Variants in GIGYF1 observed in about 807,000 individuals in gnomAD.
The protein encoded by GIGYF1 is GRB10-interacting GYF protein 1.
Under a neutral mutation model 147.1 loss-of-function variants are expected in GIGYF1, and 84 were observed. The observed-to-expected ratio is 0.57, with a 90% CI of 0.48 to 0.68. The LOEUF (loss-of-function observed/expected upper bound fraction) is 0.68, where lower values mean the gene tolerates loss of function less well. Among genes scored for constraint, GIGYF1 ranks in the 30% least tolerant of loss-of-function variants. The pLI, the probability that GIGYF1 is intolerant of heterozygous loss-of-function variation, is 0.00. For synonymous variants in GIGYF1, 752 were observed against 589.5 expected, an observed-to-expected ratio of 1.28 and a Z score of -3.99; for missense variants, 1,485 against 1,393.7, an observed-to-expected ratio of 1.07 and a Z score of -1.04.
intron 1 of GIGYF1, among the ~76,000 whole-genome samples, chr7:100,693,107 C>T (rs1434624245): frequency 6.6e-6 from 1 of 151,750 alleles, no homozygotes; most frequent in Non-Finnish European, 1.5e-5. Flanking sequence ...CTTTGAGAGG[C>T]AGGAGGGAAG....
Position 100,682,437 on chromosome 7 carries a change from C to A in GIGYF1, c.2646G>T (p.Thr882=), listed in dbSNP as rs142831413. The A allele has an allele frequency of 6.2e-7, 1 of 1,613,406 alleles. No individual in the cohort carries two copies. Among genetic ancestry groups the A allele is most frequent in the Non-Finnish European group, 8.5e-7 (1 of 1,180,010 alleles). Residue 882 remains threonine (T), a synonymous_variant, in exon 24 of 27, where the codon ACG becomes ACT. Coordinates refer to ENST00000678049, the MANE Select transcript of GIGYF1 (RefSeq NM_001375765.1). ...GCTTCAGCAGCTTCTCTTCTTCCTC[C>A]GTCTTTTTGCGAATGGGCCGACCCG... ...HLSGRPIRKK[T]EEEEKLLKLL...
rs533744747 is a variant in GIGYF1, at chr7:100,692,593, C to G, written c.-1099+1517G>C. 1.8e-3 allele frequency among the ~76,000 whole-genome samples: 278 copies of G among 152,324 alleles called. 1 individual carries two copies. The highest frequency in any genetic ancestry group is 2.8e-3 in the Non-Finnish European group (190 of 68,026). ...TAAAGTGGGCTATTTTTCTTTAATT[C>G]CCAAATTCCAATAGCAGATGTAAAA... On this transcript the variant is annotated intron_variant, in intron 1 of 26. Transcript: ENST00000678049.
rs202122736 is a variant in GIGYF1 at position 100,681,832 on chromosome 7, G to A, written c.3055+32C>T. 6.9e-5 allele frequency: 111 copies of A among 1,609,086 alleles called. No individual in the cohort carries two copies. The East Asian group carries it at 2.2e-3, about 32-fold the overall frequency. On this transcript the variant is annotated intron_variant, in intron 26 of 26. Transcript: ENST00000678049. ...CTGGGCTCCTCCTGCCCTGTGCCAAGGAAGTCCCGCTCCTGCCCCAGCCCA... is the reference window on the plus strand; with the variant it reads ...CTGGGCTCCTCCTGCCCTGTGCCAAAGAAGTCCCGCTCCTGCCCCAGCCCA...
At chr7:100,687,176 C>T in intron 8 of GIGYF1, 122 bp downstream of exon 8, 2 of 1,467,830 alleles carry the variant, frequency 1.4e-6, no homozygotes, top group Non-Finnish European at 1.9e-6. Flanking sequence ...AACCAGGGGT[C>T]AGGAGCACCG....
chr7:100,687,783 C>T lies in GIGYF1; in HGVS notation c.261+5G>A. ...CCGCAGCCTCAGCTCCTGGCCCGGTCCCACCTGTTCCTCCTCAGTCAGCGG... is the reference window on the plus strand; with the variant it reads ...CCGCAGCCTCAGCTCCTGGCCCGGTTCCACCTGTTCCTCCTCAGTCAGCGG... On this transcript the variant is annotated splice_donor_5th_base_variant and intron_variant, in intron 6 of 26. Transcript: ENST00000678049. 6.2e-7 allele frequency: 1 copy of T among 1,611,642 alleles called. No individual in the cohort carries two copies. The highest frequency in any genetic ancestry group is 1.1e-5 in the South Asian group (1 of 91,012).
intron 24 of GIGYF1, 23 bp downstream of exon 24, chr7:100,682,299 C>T (rs1485817368): frequency 8.1e-6 from 13 of 1,609,370 alleles, no homozygotes; most frequent in East Asian, 6.7e-5. Context: ...GTCCCGCCCA[C>T]CTCCTGGGAG....
intron 3 of GIGYF1, 25 bp downstream of exon 3, chr7:100,688,426 T>A (rs1562884800): frequency 1.4e-6 from 1 of 698,416 alleles, no homozygotes; most frequent in African/African-American, 1.8e-5. Flanking sequence ...AGCTGGTGGG[T>A]CACCTGGGGT....
chr7:100,690,920 G>A (rs1210949173), intron 1 of GIGYF1, among the ~76,000 whole-genome samples: 1 of 152,092 alleles, frequency 6.6e-6, no homozygotes, highest in African/African-American at 2.4e-5. Flanking sequence ...GCACACAAAG[G>A]GGGAATGGTT....
At chr7:100,687,917 T>G (rs369681356) in intron 5 of GIGYF1, 34 bp from the exon 6 acceptor site, 150 of 1,612,942 alleles carry the variant, frequency 9.3e-5, no homozygotes, top group Non-Finnish European at 1.2e-4. Flanking sequence ...AGACACCACA[T>G]GCTGCCAGAT....
chr7:100,682,657 G>A lies in GIGYF1; in HGVS notation c.2533C>T (p.Pro845Ser), dbSNP rs1456532216. The A allele has an allele frequency of 1.2e-6, 2 of 1,604,908 alleles. No individual in the cohort carries two copies. Among genetic ancestry groups the A allele is most frequent in the Admixed American group, 1.7e-5 (1 of 59,216 alleles). Reference sequence around the variant, plus strand: ...CGGACCAGGCTCCCGCCGCTCTTGGGGGTGTCCTCCCAGAGCCCCAGGCCG... The same window carrying A: ...CGGACCAGGCTCCCGCCGCTCTTGGAGGTGTCCTCCCAGAGCCCCAGGCCG... The part of the protein sequence containing the change: ...SSGLGLWEDT[P>S]KSGGSLVRGL... Residue 845 changes from proline to serine, a missense_variant, in exon 23 of 27, where the codon CCC becomes TCC. Physicochemically the swap from Pro to Ser is moderately conservative, Grantham distance 74. Transcript: ENST00000678049.
chr7:100,687,849 G>T lies in GIGYF1; in HGVS notation c.200C>A (p.Ala67Glu). The change falls in exon 6 of 27, where the codon GCG (alanine) becomes GAG (glutamate). Residue 67 changes from alanine to glutamate, a missense_variant. Ala to Glu is a moderately radical substitution (Grantham distance 107, BLOSUM62 -1). Coordinates refer to ENST00000678049, the MANE Select transcript of GIGYF1 (RefSeq NM_001375765.1). Reference protein sequence around the residue: ...PEELQDKEFAAVLQDEPLQPL... With the variant: ...PEELQDKEFAEVLQDEPLQPL... ...CTGCAGTGGCTCGTCCTGCAGCACC[G>T]CGGCGAACTCCTTGTCCTGCAGCTC... 1.2e-6 allele frequency: 2 copies of T among 1,612,894 alleles called. No homozygotes were observed. Among genetic ancestry groups the T allele is most frequent in the South Asian group, 1.1e-5 (1 of 91,078 alleles).
chr7:100,687,757 C>T (rs1243666732), intron 6 of GIGYF1, 31 bp downstream of exon 6: 2 of 1,605,220 alleles, frequency 1.2e-6, no homozygotes, highest in Non-Finnish European at 1.7e-6. Context: ...CTCCCAGGCT[C>T]CCGCAGCCTC....
At position 100,689,012 on chromosome 7, in the gene GIGYF1, G is replaced by A. The variant is rs961169221; in HGVS notation, c.-555C>T. On this transcript the variant is annotated 5_prime_UTR_variant, in exon 2 of 27. Coordinates refer to ENST00000678049, the MANE Select transcript of GIGYF1 (RefSeq NM_001375765.1). ...GAGAAAAGGTCAGTTACGGAGAAAAGGATTAGAAATAAATCTAGGAGCAAA... is the reference window on the plus strand; with the variant it reads ...GAGAAAAGGTCAGTTACGGAGAAAAAGATTAGAAATAAATCTAGGAGCAAA... The A allele has an allele frequency of 1.3e-5, 2 of 152,884 alleles. No homozygotes were observed. Among genetic ancestry groups the A allele is most frequent in the African/African-American group, 4.8e-5 (2 of 41,456 alleles). The allele number at this position is 152,884 out of a possible 1,614,324, so 9.5% of individuals were successfully genotyped here.
chr7:100,684,663 A>G, intron 15 of GIGYF1, 47 bp from the exon 16 acceptor site: 1 of 1,612,502 alleles, frequency 6.2e-7, no homozygotes, highest in Non-Finnish European at 8.5e-7. Flanking sequence ...GTCACAGGGT[A>G]TGCCAGAGAC....
Position 100,680,538 on chromosome 7 carries a change from G to C in GIGYF1, c.*1181C>G, listed in dbSNP as rs977593689. The C allele has an allele frequency of 6.6e-6, 1 of 152,606 alleles. No homozygotes were observed. Among genetic ancestry groups the C allele is most frequent in the Non-Finnish European group, 1.5e-5 (1 of 68,062 alleles). 9.5% of individuals were successfully genotyped at this position (152,606 alleles called of 1,614,324 possible). ...CAACGGTAAAAAGCGCATCATATCA[G>C]ACCCGGAAGGCCACCTGCTCCTCTC... On this transcript the variant is annotated 3_prime_UTR_variant, in exon 27 of 27. Coordinates refer to ENST00000678049, the MANE Select transcript of GIGYF1 (RefSeq NM_001375765.1).
In GIGYF1 at chr7:100,683,423, C is replaced by T. The variant is rs773358280; in HGVS notation, c.2074G>A (p.Glu692Lys). 6.2e-7 allele frequency: 1 copy of T among 1,614,052 alleles called. No homozygotes were observed. The highest frequency in any genetic ancestry group is 1.1e-5 in the South Asian group (1 of 91,088). Residue 692 changes from glutamate to lysine, a missense_variant, in exon 21 of 27, where the codon GAG (glutamate) becomes AAG (lysine). By Grantham distance (56) the Glu-to-Lys change is moderately conservative. Transcript: ENST00000678049. ...QHKFQERREV[E>K]LRAKREEEER... Reference sequence around the variant, plus strand: ...TCTTCCTCCCGCTTCGCCCTGAGCTCCACTTCTCTGCGCTCCTGGAACTGA... The same window carrying T: ...TCTTCCTCCCGCTTCGCCCTGAGCTTCACTTCTCTGCGCTCCTGGAACTGA...
chr7:100,685,129 G>C lies in GIGYF1; in HGVS notation c.1210C>G (p.Gln404Glu). Reference protein sequence around the residue: ...PAAEDDIRGIQLSPGVGSSAG... With the variant: ...PAAEDDIRGIELSPGVGSSAG... The stretch of plus-strand genomic sequence containing the variant: ...GAGGAGCCCACCCCGGGACTCAGCT[G>C]GATCCCCCGAATATCATCTGGAAGG... The change falls in exon 14 of 27, where the codon CAG becomes GAG. Residue 404 changes from glutamine (Q) to glutamate (E), a missense_variant. Coordinates refer to ENST00000678049, the MANE Select transcript of GIGYF1 (RefSeq NM_001375765.1). 6.3e-7 allele frequency: 1 copy of C among 1,583,098 alleles called. No homozygotes were observed.
chr7:100,683,795 T>C (rs1300088024), intron 19 of GIGYF1, 23 bp downstream of exon 19: 9 of 1,576,886 alleles, frequency 5.7e-6, no homozygotes, highest in African/African-American at 4.1e-5. Context: ...GCCTTGGGGG[T>C]GGGGACCAGT....
chr7:100,687,708 C>T (rs1805507026), intron 6 of GIGYF1, 80 bp downstream of exon 6: 10 of 1,505,430 alleles, frequency 6.6e-6, no homozygotes, highest in Middle Eastern at 4.7e-4. Context: ...GTCTCCTCAG[C>T]GCTGGCCCCT....
Sources: allele counts gnomAD v4.1 joint callset (sites outside exome capture counted in the v4.1 genomes callset), GRCh38; gene constraint gnomAD v4.1.1; transcripts MANE v1.5; gene names NCBI Gene and HGNC (gene_info 2026-07-23, HGNC 2026-07-21).